The following TMEM184B variants were observed in gnomAD, a reference collection of about 807,000 sequenced individuals.
The protein encoded by TMEM184B is putative MAPK-activating protein FM08.
A neutral mutation model predicts 41.8 loss-of-function variants in TMEM184B; 17 were observed. That is an observed-to-expected ratio of 0.41 (90% confidence interval 0.28 to 0.61). The LOEUF (loss-of-function observed/expected upper bound fraction) is 0.61, where lower values mean the gene tolerates loss of function less well. Among genes scored for constraint, TMEM184B ranks in the 20% least tolerant of loss-of-function variants. TMEM184B has a pLI of 0.34. For synonymous variants in TMEM184B, 240 were observed against 229.5 expected (o/e 1.05, Z -0.41); for missense variants, 393 against 557.8 (o/e 0.70, Z 2.98).
chr22:38,221,153 T>G lies in TMEM184B; in HGVS notation c.*316A>C. ...GCAGCCGCTGGTCCACACACAAGCA[T>G]TGGGGCCTGGGTGCGGCTGGTCCCA... On this transcript the variant is annotated 3_prime_UTR_variant, in exon 9 of 9. Transcript: ENST00000361906. 2.5e-6 allele frequency: 3 copies of G among 1,187,376 alleles called. No homozygotes were observed. The highest frequency in any genetic ancestry group is 4.4e-5 in the East Asian group (1 of 22,826). 73.6% of individuals were successfully genotyped at this position (1,187,376 alleles called of 1,614,324 possible).
chr22:38,225,336 G>A lies in TMEM184B; in HGVS notation c.787+88C>T. The A allele has an allele frequency of 6.9e-7, 1 of 1,452,714 alleles. No homozygotes were observed. Among genetic ancestry groups the A allele is most frequent in the Non-Finnish European group, 9.2e-7 (1 of 1,087,376 alleles). 90.0% of individuals were successfully genotyped at this position (1,452,714 alleles called of 1,614,324 possible). Reference sequence around the variant, plus strand: ...AGGCCCCTCTGAACAGGCCCTACAGGCACCAGGGACCATAAGCAGAAGGGG... The same window carrying A: ...AGGCCCCTCTGAACAGGCCCTACAGACACCAGGGACCATAAGCAGAAGGGG... On this transcript the variant is annotated intron_variant, in intron 7 of 8. Transcript: ENST00000361906. The surrounding 1 kb of genome is among the most constrained non-coding windows in gnomAD (Gnocchi z 4.4).
Position 38,220,875 on chromosome 22 carries a change from T to A in TMEM184B, c.*594A>T, listed in dbSNP as rs1602348936. On this transcript the variant is annotated 3_prime_UTR_variant, in exon 9 of 9. Coordinates refer to ENST00000361906, the MANE Select transcript of TMEM184B (RefSeq NM_012264.5). ...CTGAATGCCCTTCCTGGGTGGGGCC[T>A]GTGACTCCTGGTGTCTGGCTCTGAT... 1.0e-6 allele frequency: 1 copy of A among 986,088 alleles called. No homozygotes were observed. Among genetic ancestry groups the A allele is most frequent in the Non-Finnish European group, 1.2e-6 (1 of 830,120 alleles). The allele number at this position is 986,088 out of a possible 1,614,324, so 61.1% of individuals were successfully genotyped here.
intron 1 of TMEM184B, chr22:38,272,497 A>G: frequency 1.0e-6 from 1 of 984,316 alleles, no homozygotes; most frequent in Non-Finnish European, 1.2e-6. Context: ...TCCCCCACTC[A>G]CTCGGCCGTG....
chr22:38,247,906 G>T lies in TMEM184B; in HGVS notation c.56C>A (p.Ala19Glu). The part of the protein sequence containing the change: ...APDPASPTTA[A>E]ASPSVSVIPE... ...GATCACGGAGACGCTGGGCGAGGCT[G>T]CTGCGGTCGTGGGCGACGCTGGATC... Residue 19 changes from alanine to glutamate, a missense_variant, in exon 2 of 9, where the codon GCA (alanine) becomes GAA (glutamate). Transcript: ENST00000361906. 2 of 1,607,054 alleles carry T rather than the reference G, an allele frequency of 1.2e-6. No homozygotes were observed. The highest frequency in any genetic ancestry group is 1.7e-6 in the Non-Finnish European group (2 of 1,178,350).
intron 1 of TMEM184B, among the ~76,000 whole-genome samples, chr22:38,257,057 C>T (rs1446872586): frequency 6.7e-6 from 1 of 148,994 alleles, no homozygotes; most frequent in Non-Finnish European, 1.5e-5. Context: ...TCTCGACTCA[C>T]GGCAACCTCC....
At position 38,219,978 on chromosome 22, in the gene TMEM184B, T is replaced by A. The variant is rs2091215183; in HGVS notation, c.*1491A>T. 1.0e-6 allele frequency: 1 copy of A among 985,320 alleles called. No homozygotes were observed. The highest frequency in any genetic ancestry group is 1.7e-5 in the African/African-American group (1 of 57,206). 61.0% of individuals were successfully genotyped at this position (985,320 alleles called of 1,614,324 possible). A position where few individuals can be genotyped will look rare whatever the true frequency, so the allele number is the denominator to read the frequency against. On this transcript the variant is annotated 3_prime_UTR_variant, in exon 9 of 9. Transcript: ENST00000361906. ...CACAGGTGGCAGGGAGGGAACCTGTTCATTCCAGGAAGGACCAAAAGAAAG... is the reference window on the plus strand; with the variant it reads ...CACAGGTGGCAGGGAGGGAACCTGTACATTCCAGGAAGGACCAAAAGAAAG...
intron 1 of TMEM184B, among the ~76,000 whole-genome samples, chr22:38,265,552 C>T (rs1433812022): frequency 4.6e-5 from 7 of 152,136 alleles, no homozygotes; most frequent in African/African-American, 9.7e-5. Flanking sequence ...GAGCCTCAGT[C>T]TCTCCATCTA....
chr22:38,226,959 A>T lies in TMEM184B; in HGVS notation c.526-89T>A. ...CCTCTGGCAGACGGAACTGTACCGG[A>T]TGGAGGGACAGAGAGGATGAAGGAG... On this transcript the variant is annotated intron_variant, in intron 5 of 8. Coordinates refer to ENST00000361906, the MANE Select transcript of TMEM184B (RefSeq NM_012264.5). This position sits in a 1 kb window ranked among gnomAD's most constrained non-coding sequence, Gnocchi z 4.6. 1 of 1,319,282 alleles carries T rather than the reference A, an allele frequency of 7.6e-7. No individual in the cohort carries two copies. Among genetic ancestry groups the T allele is most frequent in the Non-Finnish European group, 1.1e-6 (1 of 942,496 alleles). The allele number at this position is 1,319,282 out of a possible 1,614,324, so 81.7% of individuals were successfully genotyped here.
chr22:38,258,838 T>A (rs1384136140), intron 1 of TMEM184B, among the ~76,000 whole-genome samples: 1 of 152,222 alleles, frequency 6.6e-6, no homozygotes, highest in African/African-American at 2.4e-5. Context: ...CTGAGCGTTC[T>A]GAATTCTAGA....
intron 1 of TMEM184B, among the ~76,000 whole-genome samples, chr22:38,259,446 C>T (rs1054714327): frequency 1.3e-5 from 2 of 152,168 alleles, no homozygotes; most frequent in South Asian, 4.1e-4. Context: ...CATGTCATCA[C>T]AAGGGTCCTC....
chr22:38,243,753 G>A (rs532529466), intron 3 of TMEM184B, among the ~76,000 whole-genome samples: 34 of 152,304 alleles, frequency 2.2e-4, no homozygotes, highest in Admixed American at 2.1e-3. Flanking sequence ...AGGAATGCAA[G>A]GCACAGGGCA....
chr22:38,231,416 G>T, intron 3 of TMEM184B, 82 bp from the exon 4 acceptor site: 1 of 1,139,966 alleles, frequency 8.8e-7, no homozygotes, highest in Non-Finnish European at 1.3e-6. Flanking sequence ...AGCAATGGAG[G>T]TGAAAGAGCC....
At chr22:38,262,716 G>A (rs1228963211) in intron 1 of TMEM184B, among the ~76,000 whole-genome samples, 1 of 152,188 alleles carries the variant, frequency 6.6e-6, no homozygotes, top group East Asian at 1.9e-4. Flanking sequence ...CCAAGGCCGG[G>A]ACCGGGGGTC....
rs535484067 is a variant in TMEM184B, at chr22:38,219,893, C to A, written c.*1576G>T. 3 of 985,484 alleles carry A rather than the reference C, an allele frequency of 3.0e-6. No homozygotes were observed. The highest frequency in any genetic ancestry group is 3.5e-5 in the African/African-American group (2 of 57,350). 61.0% of individuals were successfully genotyped at this position (985,484 alleles called of 1,614,324 possible). A position where few individuals can be genotyped will look rare whatever the true frequency, so the allele number is the denominator to read the frequency against. ...AGAGCTGGCCTCTGGCACCCACATG[C>A]AGGCCTCTGCCACGAGGAAAGGAAG... is the stretch of plus-strand genomic sequence containing the variant. On this transcript the variant is annotated 3_prime_UTR_variant, in exon 9 of 9. Coordinates refer to ENST00000361906, the MANE Select transcript of TMEM184B (RefSeq NM_012264.5).
At chr22:38,227,151 A>G (rs2145575910) in intron 5 of TMEM184B, among the ~76,000 whole-genome samples, 2 of 152,160 alleles carry the variant, frequency 1.3e-5, no homozygotes, top group Admixed American at 1.3e-4. Flanking sequence ...AGATGCAGCC[A>G]GCGCAATGCC....
At chr22:38,264,847 G>T (rs1054137464) in intron 1 of TMEM184B, among the ~76,000 whole-genome samples, 1 of 152,172 alleles carries the variant, frequency 6.6e-6, no homozygotes, top group Non-Finnish European at 1.5e-5. Flanking sequence ...GCATTTGAGA[G>T]AAAGAACCCT....
intron 3 of TMEM184B, among the ~76,000 whole-genome samples, chr22:38,245,264 T>G (rs1050639810): frequency 1.3e-5 from 2 of 152,180 alleles, no homozygotes; most frequent in Non-Finnish European, 2.9e-5. Context: ...CCACCCTGCC[T>G]GAGACGCCAG....
intron 3 of TMEM184B, among the ~76,000 whole-genome samples, chr22:38,241,118 A>G (rs765432670): frequency 5.9e-5 from 9 of 152,188 alleles, no homozygotes; most frequent in Non-Finnish European, 1.0e-4. Flanking sequence ...AGCCAGGGCA[A>G]CAGCTGAGCA....
chr22:38,245,987 G>A lies in TMEM184B; in HGVS notation c.306C>T (p.Phe102=). The change falls in exon 3 of 9, where the codon TTC becomes TTT. Residue 102 remains phenylalanine, a synonymous_variant. Coordinates refer to ENST00000361906, the MANE Select transcript of TMEM184B (RefSeq NM_012264.5). The part of the protein sequence containing the change: ...AFDSWLSLLF[F]TNDQYYVYFG... ...AGTACACGTAGTACTGGTCGTTGGT[G>A]AAGAAGAGGAGGCTGAGCCAGGAGT... The A allele has an allele frequency of 6.2e-7, 1 of 1,613,686 alleles. No individual in the cohort carries two copies. Among genetic ancestry groups the A allele is most frequent in the South Asian group, 1.1e-5 (1 of 91,080 alleles).
Sources: gnomAD v4.1 joint callset for allele counts (sites outside exome capture counted in the v4.1 genomes callset) on GRCh38, gnomAD v4.1.1 for gene constraint, Gnocchi (gnomAD v3.1) non-coding constraint, MANE v1.5 for transcripts, NCBI Gene and HGNC (gene_info 2026-07-23, HGNC 2026-07-21) for gene names.